Variants in PLD3 observed in about 807,000 individuals in gnomAD.
The protein encoded by PLD3 is 5'-3' exonuclease PLD3.
In PLD3, 31 loss-of-function variants were observed where a neutral mutation model predicts 58.4. The ratio of observed to expected loss-of-function variants is 0.53; its 90% CI spans 0.40 to 0.72. The LOEUF (loss-of-function observed/expected upper bound fraction) is 0.72, where lower values mean the gene tolerates loss of function less well. Ranked by LOEUF, PLD3 falls within the 30% of genes least tolerant of loss-of-function variation. PLD3 has a pLI of 0.00. For synonymous variants in PLD3, 264 were observed against 273.4 expected, an observed-to-expected ratio of 0.97 and a Z score of 0.34; for missense variants, 595 against 659.8, an observed-to-expected ratio of 0.90 and a Z score of 1.08.
intron 9 of PLD3, among the ~76,000 whole-genome samples, chr19:40,373,530 T>C (rs1423989064): frequency 6.9e-6 from 1 of 145,632 alleles, no homozygotes; most frequent in Non-Finnish European, 1.5e-5. Flanking sequence ...GGAGCCGAGA[T>C]TGCACCATTG....
intron 11 of PLD3, 70 bp downstream of exon 11, chr19:40,376,844 C>A: frequency 7.0e-7 from 1 of 1,426,950 alleles, no homozygotes; most frequent in Non-Finnish European, 9.5e-7. Context: ...CCTCATGGGA[C>A]TCGTCTGTCA....
At chr19:40,374,452 A>T in intron 9 of PLD3, 29 bp from the exon 10 acceptor site, 1 of 1,612,692 alleles carries the variant, frequency 6.2e-7, no homozygotes, top group Non-Finnish European at 8.5e-7. Flanking sequence ...CTGGCAGGGC[A>T]CATGTCTTAA....
chr19:40,377,690 C>G, intron 11 of PLD3, 96 bp from the exon 12 acceptor site: 1 of 846,102 alleles, frequency 1.2e-6, no homozygotes, highest in South Asian at 1.5e-5. Flanking sequence ...GCAGTGGAGT[C>G]CCACAGATCT....
At chr19:40,366,733 G>A (rs1568665478) in intron 4 of PLD3, 40 bp from the exon 5 acceptor site, 1 of 1,613,882 alleles carries the variant, frequency 6.2e-7, no homozygotes, top group Admixed American at 1.7e-5. Context: ...AGGCTGGGCT[G>A]CCCCCCTCGG....
chr19:40,376,537 A>C, intron 10 of PLD3, 72 bp from the exon 11 acceptor site: 1 of 1,494,084 alleles, frequency 6.7e-7, no homozygotes. Flanking sequence ...TGGTTCCCCA[A>C]AGCTGAGGGC....
chr19:40,350,532 C>A (rs896235608), intron 1 of PLD3, among the ~76,000 whole-genome samples: 5 of 151,690 alleles, frequency 3.3e-5, no homozygotes, highest in African/African-American at 1.2e-4. Flanking sequence ...TCACCTGAGA[C>A]CAGGAGTTTG....
intron 3 of PLD3, 24 bp from the exon 4 acceptor site, chr19:40,366,586 C>T (rs762432309): frequency 2.5e-6 from 4 of 1,580,786 alleles, no homozygotes; most frequent in Non-Finnish European, 3.4e-6. Context: ...CACCTGTCAC[C>T]CCCGTTGTTG....
chr19:40,372,880 G>GA (rs1186270733), intron 9 of PLD3, among the ~76,000 whole-genome samples: 1 of 152,006 alleles, frequency 6.6e-6, no homozygotes, highest in Non-Finnish European at 1.5e-5. Flanking sequence ...TCCAAAAAAA[G>GA]AAAAAATTCA....
At position 40,378,401 on chromosome 19, in the gene PLD3, T is replaced by C; in HGVS notation, c.*228T>C. ...CAGCCCCCAAAGAAATGGGGGTGCA[T>C]GCTGGGCCTGGCCCCCTGGCCCACC... is the stretch of plus-strand genomic sequence containing the variant. On this transcript the variant is annotated 3_prime_UTR_variant, in exon 13 of 13. Transcript: ENST00000409735. 1 of 636,374 alleles carries C rather than the reference T, an allele frequency of 1.6e-6. No homozygotes were observed. The highest frequency in any genetic ancestry group is 2.8e-6 in the Non-Finnish European group (1 of 353,540). 39.4% of individuals were successfully genotyped at this position (636,374 alleles called of 1,614,324 possible). A position where few individuals can be genotyped will look rare whatever the true frequency, so the allele number is the denominator to read the frequency against.
At chr19:40,373,613 G>T (rs1159606433) in intron 9 of PLD3, among the ~76,000 whole-genome samples, 1 of 150,806 alleles carries the variant, frequency 6.6e-6, no homozygotes, top group African/African-American at 2.4e-5. Flanking sequence ...GGGAGCGGGG[G>T]AACTGGGAAG....
chr19:40,367,992 C>A (rs2145688456), intron 6 of PLD3, 113 bp downstream of exon 6: 1 of 893,294 alleles, frequency 1.1e-6, no homozygotes, highest in Non-Finnish European at 1.7e-6. Flanking sequence ...GGGTGTGTCT[C>A]ACACAGCAGA....
At chr19:40,376,401 G>T in intron 10 of PLD3, 1 of 532,656 alleles carries the variant, frequency 1.9e-6, no homozygotes, top group Non-Finnish European at 3.3e-6. Flanking sequence ...ACTGGGTTTT[G>T]GGGAGCAGGA....
chr19:40,352,647 T>A (rs574597103), intron 1 of PLD3, among the ~76,000 whole-genome samples: 2 of 151,978 alleles, frequency 1.3e-5, no homozygotes, highest in African/African-American at 4.8e-5. Context: ...AAGTCCAATT[T>A]AAAAAAATAA....
Position 40,367,847 on chromosome 19 carries a change from G to A in PLD3, c.397G>A (p.Asp133Asn). The change falls in exon 6 of 13, where the codon GAC becomes AAC. Residue 133 changes from aspartate to asparagine, a missense_variant. Transcript: ENST00000409735. ...CTTCTACTGGACCCTCACCAACAAT[G>A]ACACCCACACGCAGGAGCCCTCTGC... ...ASFYWTLTNN[D>N]THTQEPSAQQ... The A allele has an allele frequency of 6.4e-7, 1 of 1,573,364 alleles. No homozygotes were observed. Among genetic ancestry groups the A allele is most frequent in the Non-Finnish European group, 8.6e-7 (1 of 1,161,516 alleles).
chr19:40,350,142 C>T lies in PLD3; in HGVS notation c.-279+1374C>T, dbSNP rs888025799. Reference sequence around the variant, plus strand: ...AGGCATGGTGGCACATGCCTGTAATCCCAGCTACTCGGGAGGCTGAGACAG... The same window carrying T: ...AGGCATGGTGGCACATGCCTGTAATTCCAGCTACTCGGGAGGCTGAGACAG... On this transcript the variant is annotated intron_variant, in intron 1 of 12. Transcript: ENST00000409735. Among the ~76,000 whole-genome samples the T allele has an allele frequency of 6.6e-5, 10 of 151,438 alleles. No homozygotes were observed. The East Asian group carries it at 1.4e-3, about 21-fold the overall frequency.
intron 6 of PLD3, 150 bp from the exon 7 acceptor site, chr19:40,369,758 T>C (rs931002327): frequency 1.5e-6 from 1 of 679,420 alleles, no homozygotes; most frequent in Non-Finnish European, 2.3e-6. Context: ...AGTCTTTTAA[T>C]ATTTTAATCT....
chr19:40,374,737 C>A, intron 10 of PLD3, 117 bp downstream of exon 10: 1 of 1,139,906 alleles, frequency 8.8e-7, no homozygotes. Flanking sequence ...GGAAGAGAAG[C>A]TGCAGGGAGA....
intron 1 of PLD3, among the ~76,000 whole-genome samples, chr19:40,361,712 CAGTG>C (rs10565897): frequency 0.024 from 3,722 of 152,172 alleles, 142 homozygotes; most frequent in African/African-American, 0.086. Context: ...ATCCCCTTCT[CAGTG>C]AGGCCTTTTC....
In PLD3 at chr19:40,370,358, C is replaced by G. The variant is rs1357535421; in HGVS notation, c.678+121C>G. On this transcript the variant is annotated intron_variant, in intron 8 of 12. Coordinates refer to ENST00000409735, the MANE Select transcript of PLD3 (RefSeq NM_012268.4). Reference sequence around the variant, plus strand: ...CTCCACCCATTCTCTGTAATGGCTTCCTTCTTGCCTCCTACCAGGCCTCCC... The same window carrying G: ...CTCCACCCATTCTCTGTAATGGCTTGCTTCTTGCCTCCTACCAGGCCTCCC... 3.6e-6 allele frequency: 4 copies of G among 1,121,796 alleles called. No individual in the cohort carries two copies. The African/African-American group carries it at 6.2e-5, about 17-fold the overall frequency. 69.5% of individuals were successfully genotyped at this position (1,121,796 alleles called of 1,614,324 possible). A position where few individuals can be genotyped will look rare whatever the true frequency, so the allele number is the denominator to read the frequency against.
Sources: allele counts gnomAD v4.1 joint callset (sites outside exome capture counted in the v4.1 genomes callset), GRCh38; gene constraint gnomAD v4.1.1; transcripts MANE v1.5; gene names NCBI Gene and HGNC (gene_info 2026-07-23, HGNC 2026-07-21).